The following GRID1 variants were observed in gnomAD, a reference collection of about 807,000 sequenced individuals.
GRID1 encodes the protein glutamate receptor ionotropic, delta-1.
A neutral mutation model predicts 98.0 loss-of-function variants in GRID1; 28 were observed. That is an observed-to-expected ratio of 0.29 (90% confidence interval 0.21 to 0.39). GRID1 has a LOEUF of 0.39. Ranked by LOEUF, GRID1 falls within the 10% of genes least tolerant of loss-of-function variation. The pLI, the probability that GRID1 is intolerant of heterozygous loss-of-function variation, is 1.00. For missense variants in GRID1, 1,111 were observed against 1,340.5 expected (o/e 0.83, Z 2.67); for synonymous variants, 553 against 538.5 (o/e 1.03, Z -0.37).
chr10:85,818,827 C>T (rs557923052), intron 8 of GRID1, among the ~76,000 whole-genome samples: 49 of 152,162 alleles, frequency 3.2e-4, no homozygotes, highest in Non-Finnish European at 4.9e-4. Context: ...AAGCGAGTCT[C>T]GTGCCTCAGC....
At position 85,869,078 on chromosome 10, in the gene GRID1, T is replaced by C. The variant is rs1277371735; in HGVS notation, c.883A>G (p.Thr295Ala). 2.5e-6 allele frequency: 4 copies of C among 1,614,004 alleles called. No individual in the cohort carries two copies. The highest frequency in any genetic ancestry group is 3.4e-6 in the Non-Finnish European group (4 of 1,179,918). ...GAGGAGATGCGGTGGTTGTTCCTCG[T>C]GCATTTCTGATTGTCCTTTGCAGAC... ...FPSAKDNQKC[T>A]RNNHRISSLL... Residue 295 changes from threonine (T) to alanine (A), a missense_variant, in exon 6 of 16, where the codon ACG becomes GCG. Physicochemically the swap from Thr to Ala is moderately conservative, Grantham distance 58 (BLOSUM62 0). Coordinates refer to ENST00000327946, the MANE Select transcript of GRID1 (RefSeq NM_017551.3).
At chr10:85,868,975 T>A (rs751908326) in intron 6 of GRID1, 35 bp downstream of exon 6, 1 of 1,590,636 alleles carries the variant, frequency 6.3e-7, no homozygotes, top group Non-Finnish European at 8.6e-7. Flanking sequence ...AGACTCTTGG[T>A]GGAGGGGACT....
At chr10:86,272,687 C>T (rs1185878330) in intron 2 of GRID1, among the ~76,000 whole-genome samples, 1 of 152,126 alleles carries the variant, frequency 6.6e-6, no homozygotes, top group Non-Finnish European at 1.5e-5. Flanking sequence ...ACACTTGGGA[C>T]AAAAGACACA....
intron 15 of GRID1, among the ~76,000 whole-genome samples, chr10:85,604,737 C>G (rs1842637432): frequency 6.6e-6 from 1 of 152,124 alleles, no homozygotes; most frequent in Non-Finnish European, 1.5e-5. Context: ...TTCAACTTTG[C>G]TACTTTTTGT....
At position 85,602,513 on chromosome 10, in the gene GRID1, A is replaced by G. The variant is rs1270859578; in HGVS notation, c.2790T>C (p.Phe930=). 1.9e-6 allele frequency: 3 copies of G among 1,613,754 alleles called. No homozygotes were observed. The Admixed American group carries it at 5.0e-5, about 27-fold the overall frequency. ...TGCCATGGCTGCTCTGCTCTGGCAG[A>G]AAGGTGCTGACCGAGAGCTGGGTGT... ...YQNTQLSVST[F]LPEQSSHGTS... is the part of the protein sequence containing the mutation. The change falls in exon 16 of 16, where the codon TTT becomes TTC. Residue 930 remains phenylalanine (F), a synonymous_variant. Coordinates refer to ENST00000327946, the MANE Select transcript of GRID1 (RefSeq NM_017551.3).
At chr10:85,903,572 A>AT (rs1554838946) in intron 5 of GRID1, among the ~76,000 whole-genome samples, 2 of 151,688 alleles carry the variant, frequency 1.3e-5, no homozygotes, top group Non-Finnish European at 2.9e-5. Context: ...GTTTCAAAAA[A>AT]ATATATATAT....
intron 2 of GRID1, among the ~76,000 whole-genome samples, chr10:86,335,436 G>C (rs1393198115): frequency 6.6e-6 from 1 of 152,234 alleles, no homozygotes; most frequent in Non-Finnish European, 1.5e-5. Context: ...TTTACTGCAG[G>C]ACTTCTCAGA....
chr10:85,827,714 A>G (rs1245927837), intron 8 of GRID1, among the ~76,000 whole-genome samples: 2 of 152,166 alleles, frequency 1.3e-5, no homozygotes, highest in African/African-American at 2.4e-5. Flanking sequence ...CATTACATAA[A>G]TGGTAAGGGG....
At chr10:85,871,320 A>G (rs1322176131) in intron 5 of GRID1, among the ~76,000 whole-genome samples, 1 of 152,198 alleles carries the variant, frequency 6.6e-6, no homozygotes, top group Non-Finnish European at 1.5e-5. Context: ...GAATGGTTTT[A>G]TGGGTACTAA....
chr10:85,630,559 A>C (rs1349572523), intron 13 of GRID1, among the ~76,000 whole-genome samples: 2 of 152,220 alleles, frequency 1.3e-5, no homozygotes, highest in African/African-American at 2.4e-5. Flanking sequence ...GCTGGGTCAC[A>C]GTCTTGGCCC....
chr10:86,184,958 A>T (rs533109597), intron 3 of GRID1, among the ~76,000 whole-genome samples: 1 of 152,292 alleles, frequency 6.6e-6, no homozygotes, highest in East Asian at 1.9e-4. Flanking sequence ...TGTTTTGACC[A>T]TTCTAGGTAC....
chr10:85,989,989 C>T (rs971702423), intron 4 of GRID1, among the ~76,000 whole-genome samples: 2 of 152,158 alleles, frequency 1.3e-5, no homozygotes, highest in Admixed American at 1.3e-4. Flanking sequence ...AAAAAGACAG[C>T]CGCCTGTGAA....
chr10:85,619,297 G>C (rs948475636), intron 14 of GRID1, among the ~76,000 whole-genome samples: 3 of 152,220 alleles, frequency 2.0e-5, no homozygotes, highest in African/African-American at 7.2e-5. Context: ...GACCAGGAAA[G>C]TTCTGCCCTA....
chr10:86,094,756 C>T (rs1362642151), intron 4 of GRID1, among the ~76,000 whole-genome samples: 1 of 151,868 alleles, frequency 6.6e-6, no homozygotes, highest in East Asian at 1.9e-4. Flanking sequence ...GTGAAAATGA[C>T]CATACTGCCA....
intron 4 of GRID1, among the ~76,000 whole-genome samples, chr10:86,090,166 C>T (rs975034908): frequency 1.3e-5 from 2 of 151,968 alleles, no homozygotes; most frequent in African/African-American, 4.8e-5. Flanking sequence ...GCCTATAAAC[C>T]CAGCACTTTG....
rs555348331 is a variant in GRID1 at position 85,957,257 on chromosome 10, G to C, written c.727-41018C>G. ...CACACTGCCAAAGCTATAGGATGAA[G>C]CTGGGATGTGAGGCAGCTCCAGGGG... On this transcript the variant is annotated intron_variant, in intron 4 of 15. Coordinates refer to ENST00000327946, the MANE Select transcript of GRID1 (RefSeq NM_017551.3). Among the ~76,000 whole-genome samples the C allele has an allele frequency of 5.9e-5, 9 of 152,320 alleles. No homozygotes were observed. The South Asian group carries it at 1.7e-3, about 28-fold the overall frequency.
chr10:85,635,372 A>G (rs558767174), intron 13 of GRID1, among the ~76,000 whole-genome samples: 1 of 152,302 alleles, frequency 6.6e-6, no homozygotes, highest in Non-Finnish European at 1.5e-5. Flanking sequence ...GGCTCTAGTA[A>G]GACTGACTCT....
At chr10:85,789,946 C>A (rs747639797) in intron 8 of GRID1, among the ~76,000 whole-genome samples, 2 of 152,216 alleles carry the variant, frequency 1.3e-5, no homozygotes, top group Non-Finnish European at 2.9e-5. Flanking sequence ...GCAGCACCCG[C>A]CCTCATGGCT....
At chr10:85,718,077 T>C (rs1398158191) in intron 12 of GRID1, among the ~76,000 whole-genome samples, 1 of 152,310 alleles carries the variant, frequency 6.6e-6, no homozygotes, top group East Asian at 1.9e-4. Flanking sequence ...GCATTGAGTG[T>C]CTGTGGCTTT....
Sources: gnomAD v4.1 joint callset for allele counts (sites outside exome capture counted in the v4.1 genomes callset) on GRCh38, gnomAD v4.1.1 for gene constraint, MANE v1.5 for transcripts, NCBI Gene and HGNC (gene_info 2026-07-23, HGNC 2026-07-21) for gene names.